The following SOX30 variants were observed in gnomAD, a reference collection of about 807,000 sequenced individuals.
The protein encoded by SOX30 is SRY-box transcription factor 30.
SOX30 carries 17 observed loss-of-function variants against 58.6 expected under a neutral mutation model. The observed-to-expected ratio is 0.29, with a 90% confidence interval of 0.20 to 0.44. SOX30 has a LOEUF of 0.44. Ranked by LOEUF, SOX30 falls within the 20% of genes least tolerant of loss-of-function variation. The pLI, the probability that SOX30 is intolerant of heterozygous loss-of-function variation, is 1.00. For synonymous variants in SOX30, 421 were observed against 400.2 expected, an observed-to-expected ratio of 1.05 and a Z score of -0.62; for missense variants, 951 against 965.8, an observed-to-expected ratio of 0.98 and a Z score of 0.20.
chr5:157,631,398 A>G (rs1355272216), intron 4 of SOX30, among the ~76,000 whole-genome samples: 2 of 152,110 alleles, frequency 1.3e-5, no homozygotes, highest in Non-Finnish European at 2.9e-5. Context: ...TTCTATTTCT[A>G]TTCTTGAGCT....
chr5:157,664,423 C>T (rs1759631342), intron 2 of SOX30, among the ~76,000 whole-genome samples: 1 of 152,198 alleles, frequency 6.6e-6, no homozygotes, highest in African/African-American at 2.4e-5. Flanking sequence ...CCCTTCCTTA[C>T]ACCTTATACA....
At chr5:157,654,371 G>A (rs1193086158), upstream of SOX30, among the ~76,000 whole-genome samples, 1 of 152,178 alleles carries the variant, frequency 6.6e-6, no homozygotes, top group Non-Finnish European at 1.5e-5. Flanking sequence ...AGAGAATGAA[G>A]TGAAAAGAGC....
chr5:157,641,121 G>A (rs1759050492), intron 3 of SOX30, among the ~76,000 whole-genome samples: 1 of 152,138 alleles, frequency 6.6e-6, no homozygotes, highest in Non-Finnish European at 1.5e-5. Context: ...GGGTGCCATG[G>A]CTCACATTTG....
intron 1 of SOX30, among the ~76,000 whole-genome samples, chr5:157,669,303 C>T (rs1054705307): frequency 5.3e-5 from 8 of 151,952 alleles, no homozygotes; most frequent in African/African-American, 1.9e-4. Flanking sequence ...AAGTGATTCT[C>T]CTGCCTCTGC....
intron 4 of SOX30, among the ~76,000 whole-genome samples, chr5:157,631,829 G>T (rs1758818017): frequency 6.7e-6 from 1 of 150,276 alleles, no homozygotes; most frequent in African/African-American, 2.5e-5. Flanking sequence ...ACTTTGGGAG[G>T]CCAGGAGTTT....
At chr5:157,638,792 G>A (rs1421059235) in intron 3 of SOX30, 70 bp from the exon 4 acceptor site, 1 of 1,484,326 alleles carries the variant, frequency 6.7e-7, no homozygotes, top group Admixed American at 2.2e-5. Flanking sequence ...TTTCAGTAAA[G>A]TTTAATAAAT....
chr5:157,636,820 T>C (rs996398330), intron 4 of SOX30, among the ~76,000 whole-genome samples: 6 of 152,040 alleles, frequency 3.9e-5, no homozygotes, highest in African/African-American at 1.4e-4. Flanking sequence ...TCTACACATT[T>C]AACAGTAATT....
chr5:157,661,495 C>T (rs1018735470), intron 2 of SOX30, among the ~76,000 whole-genome samples: 1 of 152,222 alleles, frequency 6.6e-6, no homozygotes, highest in Non-Finnish European at 1.5e-5. Context: ...CCAATCAACT[C>T]TGCTTTGTAG....
At chr5:157,663,939 A>G (rs548318563) in intron 2 of SOX30, among the ~76,000 whole-genome samples, 32 of 152,282 alleles carry the variant, frequency 2.1e-4, no homozygotes, top group African/African-American at 6.7e-4. Context: ...ACTGCTCAAC[A>G]AAATAAAAGA....
chr5:157,626,443 T>A lies in SOX30; in HGVS notation c.2159A>T (p.Glu720Val), dbSNP rs1434710208. 6.2e-7 allele frequency: 1 copy of A among 1,614,214 alleles called. No homozygotes were observed. Among genetic ancestry groups the A allele is most frequent in the Admixed American group, 1.7e-5 (1 of 60,018 alleles). The change falls in exon 5 of 5, where the codon GAG becomes GTG. Residue 720 changes from glutamate to valine, a missense_variant. Physicochemically the swap from Glu to Val is moderately radical, Grantham distance 121 (BLOSUM62 -2). Around this residue, in one of 7 missense-constraint regions of SOX30, gnomAD observed 381 missense variants for 390.0 expected, o/e 0.98. Transcript: ENST00000265007. ...PVPQLDIGTL[E>V]NVFTAPTSTP... ...TGATGTCGGGGCTGTGAAGACATTC[T>A]CCAAGGTTCCAATGTCCAGCTGAGG...
intron 1 of SOX30, 41 bp downstream of exon 1, chr5:157,651,071 A>G (rs1759317073): frequency 1.4e-6 from 2 of 1,417,276 alleles, no homozygotes; most frequent in Non-Finnish European, 1.9e-6. Context: ...TGGGCAACAC[A>G]GACGCAGTTT....
intron 4 of SOX30, among the ~76,000 whole-genome samples, chr5:157,630,473 T>C (rs1035367720): frequency 6.6e-6 from 1 of 152,198 alleles, no homozygotes; most frequent in African/African-American, 2.4e-5. Context: ...TGTTTGGGGT[T>C]GTAGTTGTTT....
chr5:157,650,817 G>A (rs1409900017), intron 1 of SOX30, among the ~76,000 whole-genome samples: 2 of 151,992 alleles, frequency 1.3e-5, no homozygotes, highest in Admixed American at 6.6e-5. Context: ...ATAAACTGAG[G>A]GCTATGCGCT....
Position 157,638,585 on chromosome 5 carries a change from G to A in SOX30, c.1525C>T (p.Pro509Ser). The change falls in exon 4 of 5, where the codon CCA becomes TCA. Residue 509 changes from proline to serine, a missense_variant. By Grantham distance (74) the Pro-to-Ser change is moderately conservative (BLOSUM62 -1). Coordinates refer to ENST00000265007, the MANE Select transcript of SOX30 (RefSeq NM_178424.2). ...GAAGGCCCAGTAAAGCGTTGGGGTG[G>A]GAGTGCTGGATAGACAGGTAGACTT... is the stretch of plus-strand genomic sequence containing the variant. The part of the protein sequence containing the change: ...DPSLPVYPAL[P>S]PQRFTGPSQT... 1 of 1,614,142 alleles carries A rather than the reference G, an allele frequency of 6.2e-7. No individual in the cohort carries two copies. Among genetic ancestry groups the A allele is most frequent in the Non-Finnish European group, 8.5e-7 (1 of 1,180,030 alleles).
Position 157,651,853 on chromosome 5 carries a change from C to G in SOX30, c.226G>C (p.Glu76Gln), listed in dbSNP as rs772857697. Residue 76 changes from glutamate to glutamine, a missense_variant, in exon 1 of 5, where the codon GAG becomes CAG. Glu to Gln is a conservative substitution (Grantham distance 29). Transcript: ENST00000265007. Reference sequence around the variant, plus strand: ...GGCTGTGGTAGCAGCAACACCTGCTCTGGCTTCACCTGCAGCAGCCGCCGC... The same window carrying G: ...GGCTGTGGTAGCAGCAACACCTGCTGTGGCTTCACCTGCAGCAGCCGCCGC... ...AVRRLLQVKP[E>Q]QVLLLPQPQA... 1.3e-6 allele frequency: 2 copies of G among 1,573,540 alleles called. No individual in the cohort carries two copies. The highest frequency in any genetic ancestry group is 2.3e-5 in the South Asian group (2 of 86,906).
chr5:157,671,198 G>A (rs947219451), intron 1 of SOX30: 5 of 177,966 alleles, frequency 2.8e-5, no homozygotes, highest in Admixed American at 6.3e-5. Flanking sequence ...GGAATCGCCT[G>A]TGCTGGGTCT....
chr5:157,628,961 T>C (rs1758725887), intron 4 of SOX30, among the ~76,000 whole-genome samples: 1 of 152,110 alleles, frequency 6.6e-6, no homozygotes, highest in Admixed American at 6.6e-5. Context: ...TGCTTCTGGC[T>C]AGCACAGCTT....
rs187538802 is a variant in SOX30 at position 157,663,100 on chromosome 5, T to C, written c.52+4698A>G. 4.6e-3 allele frequency among the ~76,000 whole-genome samples: 707 copies of C among 152,308 alleles called. 1 individual carries two copies. Among genetic ancestry groups the C allele is most frequent in the Non-Finnish European group, 6.5e-3 (442 of 68,024 alleles). On this transcript the variant is annotated intron_variant, in intron 2 of 5. Coordinates refer to the SOX30 transcript ENST00000519442. Reference sequence around the variant, plus strand: ...AGAGGAAATCCTCCCTAACTCATTTTATGAGGCCAGCATCATCCTGATACC... The same window carrying C: ...AGAGGAAATCCTCCCTAACTCATTTCATGAGGCCAGCATCATCCTGATACC...
intron 1 of SOX30, 146 bp downstream of exon 1, chr5:157,650,966 A>C: frequency 1.7e-6 from 1 of 601,172 alleles, no homozygotes; most frequent in East Asian, 2.8e-5. Flanking sequence ...CAAGTCGATC[A>C]GAAGTGATAC....
Sources: gnomAD v4.1 joint callset for allele counts (sites outside exome capture counted in the v4.1 genomes callset) on GRCh38, gnomAD v4.1.1 for gene constraint, gnomAD v4.1.1 regional missense constraint, MANE v1.5 for transcripts, NCBI Gene and HGNC (gene_info 2026-07-23, HGNC 2026-07-21) for gene names.